Variants in SLC5A8 observed in about 807,000 individuals in gnomAD.
SLC5A8 encodes solute carrier family 5 member 8, also known as sodium-coupled monocarboxylate transporter 1.
Under a neutral mutation model 71.9 loss-of-function variants are expected in SLC5A8, and 55 were observed. The observed-to-expected ratio is 0.77, with a 90% CI of 0.62 to 0.96. The LOEUF (loss-of-function observed/expected upper bound fraction) is 0.96, where lower values mean the gene tolerates loss of function less well. SLC5A8 is among the 40% of genes least tolerant of loss of function. The probability of loss-of-function intolerance (pLI) is 0.00; values close to 1 mark genes in which losing one functional copy is unlikely to be tolerated. For synonymous variants in SLC5A8, 307 were observed against 276.1 expected (o/e 1.11, Z -1.11); for missense variants, 701 against 745.3 (o/e 0.94, Z 0.69).
intron 9 of SLC5A8, among the ~76,000 whole-genome samples, chr12:101,180,683 G>A (rs1031950438): frequency 1.3e-5 from 2 of 151,824 alleles, no homozygotes; most frequent in African/African-American, 4.9e-5. Flanking sequence ...TAGCACATCT[G>A]CCCTAATGCT....
At chr12:101,182,740 A>G (rs1868423739) in intron 9 of SLC5A8, 63 bp downstream of exon 9, 1 of 1,213,184 alleles carries the variant, frequency 8.2e-7, no homozygotes, top group African/African-American at 1.6e-5. Context: ...TGGAAAAGAA[A>G]TTTTTGTGTC....
intron 7 of SLC5A8, among the ~76,000 whole-genome samples, chr12:101,184,549 A>G (rs559496601): frequency 6.6e-6 from 1 of 152,356 alleles, no homozygotes; most frequent in South Asian, 2.1e-4. Flanking sequence ...TAATTTATGT[A>G]AAACTCATAG....
chr12:101,188,232 T>C (rs971830037), intron 6 of SLC5A8, among the ~76,000 whole-genome samples: 1 of 152,226 alleles, frequency 6.6e-6, no homozygotes, highest in Non-Finnish European at 1.5e-5. Context: ...AATGAAACAG[T>C]ATATTATCAT....
At chr12:101,204,644 T>G in intron 1 of SLC5A8, 79 bp from the exon 2 acceptor site, 1 of 987,640 alleles carries the variant, frequency 1.0e-6, no homozygotes, top group Non-Finnish European at 1.5e-6. Context: ...AATTTAAATT[T>G]AGAAATGTAA....
intron 11 of SLC5A8, among the ~76,000 whole-genome samples, chr12:101,167,749 G>C (rs2051787077): frequency 6.6e-6 from 1 of 152,256 alleles, no homozygotes; most frequent in Middle Eastern, 3.4e-3. Flanking sequence ...TAAGTTTTCT[G>C]CCCTTAAATC....
chr12:101,208,504 C>T (rs1440970222), intron 1 of SLC5A8, among the ~76,000 whole-genome samples: 1 of 152,150 alleles, frequency 6.6e-6, no homozygotes, highest in African/African-American at 2.4e-5. Context: ...CTGAACTGGG[C>T]CCCGCCACTC....
chr12:101,174,832 G>A (rs2051864500), intron 10 of SLC5A8, among the ~76,000 whole-genome samples: 3 of 152,174 alleles, frequency 2.0e-5, no homozygotes, highest in African/African-American at 4.8e-5. Flanking sequence ...CGCTACTGAC[G>A]TAGTGTCAGA....
At chr12:101,170,604 C>A (rs922190326) in intron 10 of SLC5A8, among the ~76,000 whole-genome samples, 15 of 152,220 alleles carry the variant, frequency 9.9e-5, no homozygotes, top group African/African-American at 3.1e-4. Flanking sequence ...TGTTCTCTCT[C>A]TAGACACAGG....
intron 12 of SLC5A8, among the ~76,000 whole-genome samples, chr12:101,164,224 C>G (rs1709196): frequency 0.21 from 31,654 of 152,072 alleles, 3,817 homozygotes; most frequent in East Asian, 0.53. Flanking sequence ...TATCTCATAT[C>G]TAGAATATGT....
chr12:101,166,508 T>C lies in SLC5A8; in HGVS notation c.1512A>G (p.Ile504Met). 6.2e-7 allele frequency: 1 copy of C among 1,613,320 alleles called. No individual in the cohort carries two copies. Among genetic ancestry groups the C allele is most frequent in the Non-Finnish European group, 8.5e-7 (1 of 1,179,680 alleles). The stretch of plus-strand genomic sequence containing the variant: ...TAATTCAATACCTTTGAACATTGTA[T>C]ATTTGAAAAACACTAGTAGTAAATG... ...EMPFTTSVFQ[I>M]YNVQRTPLMD... Residue 504 changes from isoleucine to methionine, a missense_variant, in exon 12 of 15, where the codon ATA becomes ATG. Physicochemically the swap from Ile to Met is conservative, Grantham distance 10. Coordinates refer to ENST00000536262, the MANE Select transcript of SLC5A8 (RefSeq NM_145913.5).
intron 2 of SLC5A8, among the ~76,000 whole-genome samples, chr12:101,202,743 T>C (rs959227054): frequency 6.6e-6 from 1 of 152,168 alleles, no homozygotes; most frequent in African/African-American, 2.4e-5. Flanking sequence ...ACATTCAATC[T>C]TTTTAATATT....
Position 101,209,736 on chromosome 12 carries a change from C to G in SLC5A8, c.113G>C (p.Gly38Ala), listed in dbSNP as rs1287409186. The G allele has an allele frequency of 1.2e-6, 2 of 1,612,584 alleles. No homozygotes were observed. The highest frequency in any genetic ancestry group is 1.7e-6 in the Non-Finnish European group (2 of 1,179,808). The part of the protein sequence containing the change: ...IGIYYAFAGG[G>A]QQTSKDFLMG... ...CAGGAAGTCCTTGGAGGTCTGCTGG[C>G]CGCCCCCAGCGAAGGCGTAGTAGAT... Residue 38 changes from glycine (G) to alanine (A), a missense_variant, in exon 1 of 15, where the codon GGC becomes GCC. Gly to Ala is a moderately conservative substitution (Grantham distance 60, BLOSUM62 0). Transcript: ENST00000536262.
chr12:101,204,357 C>G, intron 2 of SLC5A8, 143 bp downstream of exon 2: 1 of 685,880 alleles, frequency 1.5e-6, no homozygotes, highest in Non-Finnish European at 2.5e-6. Flanking sequence ...TGTACAGTGA[C>G]AAGTGTTTTT....
At chr12:101,187,217 C>G (rs1433581856) in intron 7 of SLC5A8, among the ~76,000 whole-genome samples, 169 bp downstream of exon 7, 1 of 152,148 alleles carries the variant, frequency 6.6e-6, no homozygotes, top group Non-Finnish European at 1.5e-5. Context: ...ACTCTTCATT[C>G]TTGCTATATC....
intron 7 of SLC5A8, among the ~76,000 whole-genome samples, chr12:101,185,291 G>T (rs1270895896): frequency 1.3e-5 from 2 of 152,108 alleles, no homozygotes; most frequent in Non-Finnish European, 2.9e-5. Context: ...TATCATAAAG[G>T]TTTAACTTTA....
intron 6 of SLC5A8, among the ~76,000 whole-genome samples, chr12:101,188,969 T>C (rs184407115): frequency 1.3e-5 from 2 of 152,340 alleles, no homozygotes; most frequent in East Asian, 3.9e-4. Flanking sequence ...CTTGGTTTTT[T>C]AGCAGGGATT....
At chr12:101,198,757 G>A (rs1427985109) in intron 3 of SLC5A8, among the ~76,000 whole-genome samples, 2 of 151,776 alleles carry the variant, frequency 1.3e-5, no homozygotes, top group Non-Finnish European at 3.0e-5. Flanking sequence ...AATGGAGGAG[G>A]GAACACTTTT....
At position 101,157,199 on chromosome 12, in the gene SLC5A8, C is replaced by A; in HGVS notation, c.*80G>T. Reference sequence around the variant, plus strand: ...TCATGATACAACACACACACACACACAAAGAAAACCTGATCCAATTATCTT... The same window carrying A: ...TCATGATACAACACACACACACACAAAAAGAAAACCTGATCCAATTATCTT... On this transcript the variant is annotated 3_prime_UTR_variant, in exon 15 of 15. Coordinates refer to ENST00000536262, the MANE Select transcript of SLC5A8 (RefSeq NM_145913.5). The A allele has an allele frequency of 6.5e-7, 1 of 1,537,606 alleles. No homozygotes were observed. The highest frequency in any genetic ancestry group is 1.4e-5 in the African/African-American group (1 of 72,982).
At position 101,210,189 on chromosome 12, in the gene SLC5A8, AGCTGCTT is replaced by A; in HGVS notation, c.-348_-342del. 5 of 297,870 alleles carry A rather than the reference AGCTGCTT, an allele frequency of 1.7e-5. No individual in the cohort carries two copies. Among genetic ancestry groups the A allele is most frequent in the South Asian group, 1.6e-4 (1 of 6,418 alleles). The allele number at this position is 297,870 out of a possible 1,614,324, so 18.5% of individuals were successfully genotyped here. On this transcript the variant is annotated 5_prime_UTR_variant, in exon 1 of 15. Transcript: ENST00000536262. ...TGAGCAGATGAGAACTGGAGCCTCCAGCTGCTTCCAGCGAATCTACACAGGGAGCGCT... is the reference window on the plus strand; with the variant it reads ...TGAGCAGATGAGAACTGGAGCCTCCACCAGCGAATCTACACAGGGAGCGCT...
Sources: allele counts gnomAD v4.1 joint callset (sites outside exome capture counted in the v4.1 genomes callset), GRCh38; gene constraint gnomAD v4.1.1; transcripts MANE v1.5; gene names NCBI Gene and HGNC (gene_info 2026-07-23, HGNC 2026-07-21).